HCK: variants seen among roughly 807,000 people sequenced by gnomAD.
HCK encodes HCK proto-oncogene, Src family tyrosine kinase.
Under a neutral mutation model 70.4 loss-of-function variants are expected in HCK, and 40 were observed. That is an observed-to-expected ratio of 0.57 (90% confidence interval 0.44 to 0.74). The LOEUF (loss-of-function observed/expected upper bound fraction) is 0.74. Ranked by LOEUF, HCK falls within the 30% of genes least tolerant of loss-of-function variation. The pLI, the probability that HCK is intolerant of heterozygous loss-of-function variation, is 0.00. For missense variants in HCK, 568 were observed against 697.2 expected, an observed-to-expected ratio of 0.81 and a Z score of 2.09; for synonymous variants, 245 against 263.2, an observed-to-expected ratio of 0.93 and a Z score of 0.67.
intron 6 of HCK, among the ~76,000 whole-genome samples, chr20:32,081,186 G>T (rs545081328): frequency 1.3e-5 from 2 of 152,148 alleles, no homozygotes; most frequent in East Asian, 1.9e-4. Flanking sequence ...GGATGAGGTC[G>T]CCAGAAGAGA....
chr20:32,061,172 C>G (rs547688644), intron 1 of HCK, among the ~76,000 whole-genome samples: 1 of 152,106 alleles, frequency 6.6e-6, no homozygotes, highest in Admixed American at 6.6e-5. Flanking sequence ...TTAGTAGAGA[C>G]GGGGTTTCAC....
intron 4 of HCK, among the ~76,000 whole-genome samples, chr20:32,074,324 C>T (rs977014999): frequency 6.6e-6 from 1 of 152,166 alleles, no homozygotes; most frequent in African/African-American, 2.4e-5. Flanking sequence ...AGGACCCTGC[C>T]ATGGGTATAG....
intron 11 of HCK, among the ~76,000 whole-genome samples, chr20:32,096,451 G>A (rs2045956421): frequency 6.9e-6 from 1 of 145,602 alleles, no homozygotes; most frequent in Non-Finnish European, 1.5e-5. Flanking sequence ...AATGAGCCGA[G>A]ATTGTGCCAT....
Position 32,084,061 on chromosome 20 carries a change from G to A in HCK, c.682+18G>A. On this transcript the variant is annotated intron_variant, in intron 7 of 12. Transcript: ENST00000375852. ...CTACAAGAGTGAGTCCCACCCCAGGGGTGACATCCCCACCACGATGGGCCC... is the reference window on the plus strand; with the variant it reads ...CTACAAGAGTGAGTCCCACCCCAGGAGTGACATCCCCACCACGATGGGCCC... 1.2e-6 allele frequency: 2 copies of A among 1,610,410 alleles called. No individual in the cohort carries two copies. The highest frequency in any genetic ancestry group is 1.7e-5 in the Admixed American group (1 of 59,424).
chr20:32,065,104 A>G (rs898370383), intron 1 of HCK, among the ~76,000 whole-genome samples: 6 of 152,266 alleles, frequency 3.9e-5, no homozygotes, highest in African/African-American at 1.4e-4. Flanking sequence ...AATAAGGCTC[A>G]GAGAGGGCAA....
At chr20:32,067,216 T>G (rs1279599352) in intron 1 of HCK, among the ~76,000 whole-genome samples, 1 of 152,200 alleles carries the variant, frequency 6.6e-6, no homozygotes, top group East Asian at 1.9e-4. Flanking sequence ...CTTTCATTCT[T>G]AAAACTGTGG....
intron 10 of HCK, among the ~76,000 whole-genome samples, chr20:32,093,508 T>TGTGG (rs150009044): frequency 0.03 from 4,584 of 152,022 alleles, 191 homozygotes; most frequent in African/African-American, 0.093. Context: ...TGTGTGTGTG[T>TGTGG]GTGTGTGTGT....
intron 1 of HCK, among the ~76,000 whole-genome samples, chr20:32,059,519 TTTC>T (rs759587085): frequency 2.4e-5 from 3 of 125,774 alleles, no homozygotes; most frequent in Non-Finnish European, 5.1e-5. Flanking sequence ...CTCTTTTTTT[TTTC>T]TTTTTCTTTT....
At chr20:32,076,819 C>T (rs2122549226) in intron 5 of HCK, among the ~76,000 whole-genome samples, 1 of 152,240 alleles carries the variant, frequency 6.6e-6, no homozygotes, top group Admixed American at 6.5e-5. Context: ...GGTGTGGTGG[C>T]TCACACCTGT....
intron 1 of HCK, among the ~76,000 whole-genome samples, chr20:32,068,183 A>G (rs1475492390): frequency 6.6e-6 from 1 of 152,066 alleles, no homozygotes; most frequent in African/African-American, 2.4e-5. Flanking sequence ...CTGTAATCCC[A>G]GCTACTCAGG....
At chr20:32,061,070 G>C (rs570491859) in intron 1 of HCK, among the ~76,000 whole-genome samples, 1 of 152,054 alleles carries the variant, frequency 6.6e-6, no homozygotes, top group Non-Finnish European at 1.5e-5. Flanking sequence ...TGCAACCTCC[G>C]CCTCCCGGGT....
chr20:32,058,530 CAA>C (rs11472244), intron 1 of HCK, among the ~76,000 whole-genome samples: 3 of 130,522 alleles, frequency 2.3e-5, no homozygotes, highest in Non-Finnish European at 3.2e-5. Flanking sequence ...AAGACTCTGT[CAA>C]AAAAAAAAAA....
At chr20:32,093,668 T>G (rs967493219) in intron 10 of HCK, among the ~76,000 whole-genome samples, 195 bp from the exon 11 acceptor site, 4 of 152,218 alleles carry the variant, frequency 2.6e-5, no homozygotes, top group Admixed American at 2.6e-4. Context: ...CCAGGCCTCC[T>G]TAGGGATCCC....
chr20:32,093,719 C>T, intron 10 of HCK, 144 bp from the exon 11 acceptor site: 1 of 717,816 alleles, frequency 1.4e-6, no homozygotes, highest in Non-Finnish European at 2.2e-6. Context: ...CACCCTGAGC[C>T]CTGGGGCCCT....
chr20:32,068,533 T>C (rs765757405), intron 1 of HCK, among the ~76,000 whole-genome samples: 10 of 152,174 alleles, frequency 6.6e-5, no homozygotes, highest in Non-Finnish European at 1.5e-4. Flanking sequence ...ACATTTCTGA[T>C]GCCCAGTCCA....
intron 1 of HCK, among the ~76,000 whole-genome samples, chr20:32,063,965 A>G (rs894902015): frequency 6.9e-6 from 1 of 145,620 alleles, no homozygotes; most frequent in East Asian, 2.1e-4. Flanking sequence ...CGTTGGCCAG[A>G]ATTGAATCAC....
At chr20:32,062,942 C>T (rs1250156521) in intron 1 of HCK, among the ~76,000 whole-genome samples, 1 of 152,164 alleles carries the variant, frequency 6.6e-6, no homozygotes, top group Non-Finnish European at 1.5e-5. Flanking sequence ...AACTGAACAG[C>T]CTTAAGCCCT....
In HCK at chr20:32,094,779, G is replaced by A. The variant is rs772708437; in HGVS notation, c.1246+763G>A. ...AAAGAAAGAAGGAAAGAAAGAAAGA[G>A]AGAGAAAGAGAAAGAAAGAAAGAAA... On this transcript the variant is annotated intron_variant, in intron 11 of 12. Transcript: ENST00000375852. 4.9e-3 allele frequency among the ~76,000 whole-genome samples: 351 copies of A among 72,366 alleles called. 4 individuals are homozygous for A. Among genetic ancestry groups the A allele is most frequent in the African/African-American group, 0.021 (292 of 14,210 alleles). The allele number at this position is 72,366 out of a possible 152,430, so 47.5% of individuals were successfully genotyped here.
chr20:32,077,968 G>C (rs2045651294), intron 5 of HCK, among the ~76,000 whole-genome samples: 1 of 152,076 alleles, frequency 6.6e-6, no homozygotes, highest in South Asian at 2.1e-4. Context: ...TTTCTCCCTT[G>C]TGCAAGGTCT....
Sources: allele counts gnomAD v4.1 joint callset (sites outside exome capture counted in the v4.1 genomes callset), GRCh38; gene constraint gnomAD v4.1.1; transcripts MANE v1.5; gene names NCBI Gene and HGNC (gene_info 2026-07-23, HGNC 2026-07-21).